RBFOX3: variants seen among roughly 807,000 people sequenced by gnomAD.
RBFOX3 encodes the protein RNA binding protein fox-1 homolog 3.
Under a neutral mutation model 48.7 loss-of-function variants are expected in RBFOX3, and 17 were observed. The observed-to-expected ratio is 0.35, with a 90% confidence interval of 0.24 to 0.52. The LOEUF is 0.52. Ranked by LOEUF, RBFOX3 falls within the 20% of genes least tolerant of loss-of-function variation. The pLI is 0.94. For synonymous variants in RBFOX3, 212 were observed against 209.5 expected, an observed-to-expected ratio of 1.01 and a Z score of -0.10; for missense variants, 382 against 497.5, an observed-to-expected ratio of 0.77 and a Z score of 2.21.
intron 4 of RBFOX3, among the ~76,000 whole-genome samples, chr17:79,154,086 C>G (rs1228183943): frequency 6.6e-6 from 1 of 152,184 alleles, no homozygotes; most frequent in Admixed American, 6.5e-5. Context: ...CTCCTGACCC[C>G]GGCCCCCAAG....
chr17:79,180,005 G>T (rs2051520733), intron 4 of RBFOX3, among the ~76,000 whole-genome samples: 1 of 152,214 alleles, frequency 6.6e-6, no homozygotes, highest in Non-Finnish European at 1.5e-5. Flanking sequence ...AGTGAGTGTG[G>T]CCCAGGGTCA....
intron 4 of RBFOX3, among the ~76,000 whole-genome samples, chr17:79,178,933 G>A (rs954390645): frequency 6.6e-6 from 1 of 152,196 alleles, no homozygotes; most frequent in Non-Finnish European, 1.5e-5. Flanking sequence ...ATGCTGCCGC[G>A]GGTGCACGAG....
At chr17:79,112,920 T>TGGGGGGG (rs1568152586) in intron 5 of RBFOX3, among the ~76,000 whole-genome samples, 1 of 29,522 alleles carries the variant, frequency 3.4e-5, no homozygotes, top group African/African-American at 1.4e-4. Flanking sequence ...GGGGGTGGGC[T>TGGGGGGG]GGGTAGGACT....
intron 3 of RBFOX3, among the ~76,000 whole-genome samples, chr17:79,277,881 C>A (rs367654432): frequency 1.1e-4 from 16 of 152,288 alleles, no homozygotes; most frequent in African/African-American, 3.4e-4. Context: ...AGGGGACTCA[C>A]GGGGATGGGA....
chr17:79,190,301 C>T (rs1439650786), intron 4 of RBFOX3, among the ~76,000 whole-genome samples: 4 of 151,888 alleles, frequency 2.6e-5, no homozygotes, highest in African/African-American at 9.7e-5. Context: ...ATCCTAGCTA[C>T]TCGGGAGGCT....
intron 1 of RBFOX3, among the ~76,000 whole-genome samples, chr17:79,582,726 T>C (rs1366268068): frequency 4.6e-5 from 6 of 130,976 alleles, no homozygotes; most frequent in African/African-American, 1.8e-4. Context: ...GAGGCTACAG[T>C]GAGCCATGAT....
intron 4 of RBFOX3, among the ~76,000 whole-genome samples, chr17:79,157,220 T>C (rs1474957431): frequency 6.6e-6 from 1 of 152,148 alleles, no homozygotes; most frequent in East Asian, 1.9e-4. Flanking sequence ...GGGCCCCCAC[T>C]CTGTCCTCAC....
intron 4 of RBFOX3, among the ~76,000 whole-genome samples, chr17:79,125,407 C>G (rs115893019): frequency 0.028 from 4,324 of 152,344 alleles, 203 homozygotes; most frequent in African/African-American, 0.096. Context: ...ATCTTCCAGA[C>G]CTAGAGCTGA....
chr17:79,172,267 CTA>C (rs1241343879), intron 4 of RBFOX3, among the ~76,000 whole-genome samples: 2 of 151,532 alleles, frequency 1.3e-5, no homozygotes, highest in Non-Finnish European at 2.9e-5. Flanking sequence ...GCAGATATCA[CTA>C]TCACAAAAAT....
chr17:79,430,772 T>C (rs1431447646), intron 2 of RBFOX3, among the ~76,000 whole-genome samples: 1 of 152,228 alleles, frequency 6.6e-6, no homozygotes, highest in African/African-American at 2.4e-5. Flanking sequence ...CTCAAACTCC[T>C]GACCTCAGAT....
intron 1 of RBFOX3, among the ~76,000 whole-genome samples, chr17:79,596,855 C>T (rs1223411751): frequency 3.3e-5 from 5 of 152,194 alleles, no homozygotes; most frequent in African/African-American, 9.7e-5. Context: ...ATGTCCTCTG[C>T]GTGCCTGTCT....
intron 1 of RBFOX3, among the ~76,000 whole-genome samples, chr17:79,608,865 G>T (rs1258246586): frequency 6.6e-6 from 1 of 152,130 alleles, no homozygotes; most frequent in Admixed American, 6.5e-5. Context: ...GGAGCTCCTC[G>T]CCCGCAGGAG....
Position 79,256,922 on chromosome 17 carries a change from AAAAC to A in RBFOX3, c.-73-21121_-73-21118del, listed in dbSNP as rs769201611. On this transcript the variant is annotated intron_variant, in intron 3 of 14. Coordinates refer to ENST00000693108, the MANE Select transcript of RBFOX3 (RefSeq NM_001350451.2). ...GGGCGACAGAGTGAGACACCATCTC[AAAAC>A]AAACAAACAAACAAAACAAAACAAA... 4.1e-3 allele frequency among the ~76,000 whole-genome samples: 609 copies of A among 150,072 alleles called. 4 individuals are homozygous for A. Among genetic ancestry groups the A allele is most frequent in the African/African-American group, 0.011 (436 of 40,368 alleles).
At chr17:79,330,927 G>T (rs752907487) in intron 2 of RBFOX3, among the ~76,000 whole-genome samples, 4 of 152,178 alleles carry the variant, frequency 2.6e-5, no homozygotes, top group African/African-American at 9.7e-5. Flanking sequence ...GCTGTGTTCT[G>T]ACACACACTG....
chr17:79,138,883 G>A (rs1318177421), intron 4 of RBFOX3, among the ~76,000 whole-genome samples: 14 of 57,296 alleles, frequency 2.4e-4, no homozygotes, highest in Admixed American at 1.3e-3. Context: ...CACACACGCA[G>A]GCATACAGCA....
intron 4 of RBFOX3, among the ~76,000 whole-genome samples, chr17:79,216,423 G>C (rs2059056172): frequency 6.6e-6 from 1 of 152,182 alleles, no homozygotes; most frequent in East Asian, 1.9e-4. Context: ...GCCTGGAGTG[G>C]AGATGGACTG....
At chr17:79,629,615 C>G in the RBFOX3 span, among the ~76,000 whole-genome samples, 4 of 152,178 alleles carry the variant, frequency 2.6e-5, no homozygotes, top group Admixed American at 6.6e-5. Flanking sequence ...TGTGTTTAAC[C>G]TTTAACTCGG....
At position 79,341,214 on chromosome 17, in the gene RBFOX3, A is replaced by G. The variant is rs570643434; in HGVS notation, c.-174-33390T>C. ...TGGGTGTGTGCAGAGAGTCATGCACACAGGAATGCAGGCAGGGGTACACAG... is the reference window on the plus strand; with the variant it reads ...TGGGTGTGTGCAGAGAGTCATGCACGCAGGAATGCAGGCAGGGGTACACAG... On this transcript the variant is annotated intron_variant, in intron 2 of 14. Transcript: ENST00000693108. Among the ~76,000 whole-genome samples the G allele has an allele frequency of 5.3e-5, 8 of 152,340 alleles. 1 individual carries two copies. The South Asian group carries it at 1.5e-3, about 28-fold the overall frequency.
At chr17:79,521,595 A>C (rs1568375934) in intron 1 of RBFOX3, among the ~76,000 whole-genome samples, 2 of 146,840 alleles carry the variant, frequency 1.4e-5, no homozygotes, top group Admixed American at 1.3e-4. Flanking sequence ...ACACATTCAC[A>C]TGCAGACACG....
Sources: allele counts gnomAD v4.1 joint callset (sites outside exome capture counted in the v4.1 genomes callset), GRCh38; gene constraint gnomAD v4.1.1; transcripts MANE v1.5; gene names NCBI Gene and HGNC (gene_info 2026-07-23, HGNC 2026-07-21).